The following IMMP2L variants were observed in gnomAD, a reference collection of about 807,000 sequenced individuals.
IMMP2L encodes the protein inner mitochondrial membrane peptidase subunit 2.
In IMMP2L, 18 loss-of-function variants were observed where a neutral mutation model predicts 19.3. The ratio of observed to expected loss-of-function variants is 0.93; its 90% confidence interval spans 0.64 to 1.38. The LOEUF is 1.38. IMMP2L is among the 40% of genes most tolerant of loss of function. The probability of loss-of-function intolerance (pLI) is 0.00; values close to 1 mark genes in which losing one functional copy is unlikely to be tolerated. For synonymous variants in IMMP2L, 76 were observed against 73.0 expected (o/e 1.04, Z -0.21); for missense variants, 233 against 218.2 (o/e 1.07, Z -0.43).
At chr7:110,890,302 T>C (rs1192891578) in intron 4 of IMMP2L, among the ~76,000 whole-genome samples, 1 of 152,182 alleles carries the variant, frequency 6.6e-6, no homozygotes, top group African/African-American at 2.4e-5. Context: ...TTTTACCTAC[T>C]AGTCTCTTGT....
intron 4 of IMMP2L, among the ~76,000 whole-genome samples, chr7:110,926,996 C>T (rs1332198490): frequency 1.3e-5 from 2 of 152,136 alleles, no homozygotes; most frequent in East Asian, 3.8e-4. Context: ...TTTGGTCTCA[C>T]TTTAGTGACT....
intron 5 of IMMP2L, among the ~76,000 whole-genome samples, chr7:110,692,176 C>A (rs1034854859): frequency 2.6e-5 from 4 of 152,116 alleles, no homozygotes; most frequent in Non-Finnish European, 5.9e-5. Flanking sequence ...AAAATAATAT[C>A]TTTTGCAGCA....
chr7:111,359,510 C>T (rs1829054845), intron 3 of IMMP2L, among the ~76,000 whole-genome samples: 1 of 151,944 alleles, frequency 6.6e-6, no homozygotes, highest in Non-Finnish European at 1.5e-5. Context: ...CCATATTGGC[C>T]CATCTGGTCT....
At chr7:111,481,515 A>G (rs1443532319) in intron 3 of IMMP2L, among the ~76,000 whole-genome samples, 1 of 152,200 alleles carries the variant, frequency 6.6e-6, no homozygotes, top group Non-Finnish European at 1.5e-5. Flanking sequence ...TCTTAATAAG[A>G]ATCAAATAAA....
intron 3 of IMMP2L, among the ~76,000 whole-genome samples, chr7:111,079,929 A>G (rs192859075): frequency 1.8e-4 from 28 of 152,250 alleles, no homozygotes; most frequent in South Asian, 1.5e-3. Flanking sequence ...TTGCTCTTTT[A>G]CCATGTGATG....
chr7:110,886,498 G>C, intron 5 of IMMP2L, 95 bp downstream of exon 5: 2 of 723,330 alleles, frequency 2.8e-6, no homozygotes, highest in African/African-American at 1.7e-5. Context: ...TTCATGATCA[G>C]TCTTGGCTGA....
At chr7:111,318,394 A>G (rs1713673553) in intron 3 of IMMP2L, among the ~76,000 whole-genome samples, 1 of 152,166 alleles carries the variant, frequency 6.6e-6, no homozygotes, top group Non-Finnish European at 1.5e-5. Flanking sequence ...TCTGGTAGTA[A>G]CAGATTGCAG....
chr7:110,688,974 G>A (rs1793311119), intron 5 of IMMP2L, among the ~76,000 whole-genome samples: 2 of 152,046 alleles, frequency 1.3e-5, no homozygotes, highest in Non-Finnish European at 2.9e-5. Flanking sequence ...TGGAATTACA[G>A]GTCATCTCTG....
intron 5 of IMMP2L, among the ~76,000 whole-genome samples, chr7:110,818,147 A>G (rs1802701855): frequency 6.6e-6 from 1 of 152,178 alleles, no homozygotes; most frequent in Non-Finnish European, 1.5e-5. Context: ...TCTGCACAGC[A>G]AAAGAAACTA....
intron 3 of IMMP2L, among the ~76,000 whole-genome samples, chr7:111,398,821 T>C (rs979470857): frequency 6.7e-6 from 1 of 149,394 alleles, no homozygotes; most frequent in African/African-American, 2.5e-5. Flanking sequence ...AGTTCTTCTA[T>C]ACACCAACAG....
chr7:111,451,142 G>A (rs1314363417), intron 3 of IMMP2L, among the ~76,000 whole-genome samples: 3 of 146,450 alleles, frequency 2.0e-5, no homozygotes, highest in Non-Finnish European at 4.5e-5. Flanking sequence ...CATTGTGGAA[G>A]TCAGTGTGGC....
At chr7:110,768,706 A>G (rs1798835559) in intron 5 of IMMP2L, among the ~76,000 whole-genome samples, 1 of 152,124 alleles carries the variant, frequency 6.6e-6, no homozygotes, top group African/African-American at 2.4e-5. Flanking sequence ...AAGGAAATCT[A>G]TTCTCCAAGC....
chr7:111,181,245 T>C (rs1807673424), intron 3 of IMMP2L, among the ~76,000 whole-genome samples: 1 of 152,030 alleles, frequency 6.6e-6, no homozygotes, highest in African/African-American at 2.4e-5. Context: ...AGAATAAATA[T>C]AGCAATATCT....
At chr7:111,372,739 A>C (rs1830363929) in intron 3 of IMMP2L, among the ~76,000 whole-genome samples, 1 of 152,054 alleles carries the variant, frequency 6.6e-6, no homozygotes, top group Admixed American at 6.6e-5. Flanking sequence ...TCTACCCAAA[A>C]GGCCATGAAC....
At chr7:110,946,913 A>G (rs1252336410) in intron 4 of IMMP2L, among the ~76,000 whole-genome samples, 1 of 151,542 alleles carries the variant, frequency 6.6e-6, no homozygotes, top group African/African-American at 2.4e-5. Context: ...GTAGAGATGG[A>G]GTTTCACCGT....
chr7:111,265,633 G>T (rs1307016601), intron 3 of IMMP2L, among the ~76,000 whole-genome samples: 1 of 152,120 alleles, frequency 6.6e-6, no homozygotes, highest in Non-Finnish European at 1.5e-5. Flanking sequence ...AACACAATGT[G>T]CAAAGACCCA....
intron 3 of IMMP2L, among the ~76,000 whole-genome samples, chr7:111,023,512 C>T (rs1202141570): frequency 6.7e-6 from 1 of 149,744 alleles, no homozygotes; most frequent in Admixed American, 6.7e-5. Flanking sequence ...ACCAGCCTGG[C>T]CAAATCGTGA....
At chr7:111,214,145 A>C (rs1314769264) in intron 3 of IMMP2L, among the ~76,000 whole-genome samples, 1 of 152,052 alleles carries the variant, frequency 6.6e-6, no homozygotes, top group Non-Finnish European at 1.5e-5. Context: ...GTCCCTTCCA[A>C]GGGTATCTTC....
intron 3 of IMMP2L, among the ~76,000 whole-genome samples, chr7:111,028,840 T>C (rs1365305547): frequency 6.6e-6 from 1 of 152,180 alleles, no homozygotes; most frequent in Non-Finnish European, 1.5e-5. Flanking sequence ...TGATTGGATT[T>C]GACATAAGGA....
Sources: allele counts gnomAD v4.1 joint callset (sites outside exome capture counted in the v4.1 genomes callset), GRCh38; gene constraint gnomAD v4.1.1; transcripts MANE v1.5; gene names NCBI Gene and HGNC (gene_info 2026-07-23, HGNC 2026-07-21).